Variants in POLN observed in about 807,000 individuals in gnomAD.
POLN encodes DNA polymerase nu, also known as DNA polymerase N.
POLN carries 108 observed loss-of-function variants against 113.5 expected under a neutral mutation model. That is an observed-to-expected ratio of 0.95 (90% CI 0.81 to 1.12). The LOEUF (loss-of-function observed/expected upper bound fraction) is 1.12, where lower values mean the gene tolerates loss of function less well. Among genes scored for constraint, POLN ranks in the 50% most tolerant of loss-of-function variants. The pLI, the probability that POLN is intolerant of heterozygous loss-of-function variation, is 0.00. For missense variants in POLN, 1,097 were observed against 1,077.1 expected (o/e 1.02, Z -0.26); for synonymous variants, 386 against 391.5 (o/e 0.99, Z 0.17).
chr4:2,171,606 G>A (rs998095764), intron 11 of POLN, among the ~76,000 whole-genome samples: 2 of 151,488 alleles, frequency 1.3e-5, no homozygotes, highest in Non-Finnish European at 2.9e-5. Context: ...GCTCTTAAAA[G>A]AGTAATAAAT....
At chr4:2,203,422 A>C (rs533309873) in intron 5 of POLN, among the ~76,000 whole-genome samples, 21 of 152,104 alleles carry the variant, frequency 1.4e-4, no homozygotes, top group African/African-American at 5.1e-4. Context: ...TGTACTAAAA[A>C]TACAAAAATT....
chr4:2,189,672 A>G (rs1158232674), intron 7 of POLN, among the ~76,000 whole-genome samples: 1 of 151,542 alleles, frequency 6.6e-6, no homozygotes, highest in East Asian at 2.0e-4. Context: ...TCAATGTTAC[A>G]TGAAGCAATC....
At chr4:2,157,795 T>A (rs1378673475) in intron 15 of POLN, 63 bp downstream of exon 15, 1 of 1,001,250 alleles carries the variant, frequency 1.0e-6, no homozygotes, top group Non-Finnish European at 1.5e-6. Flanking sequence ...AGGTTCTATA[T>A]GTATCTGAAC....
At chr4:2,185,632 G>C (rs1200605239) in intron 7 of POLN, among the ~76,000 whole-genome samples, 1 of 152,148 alleles carries the variant, frequency 6.6e-6, no homozygotes, top group Non-Finnish European at 1.5e-5. Flanking sequence ...TGTAATCCCA[G>C]CTACTCAAGA....
chr4:2,183,161 T>C (rs937199795), intron 7 of POLN, among the ~76,000 whole-genome samples: 2 of 152,184 alleles, frequency 1.3e-5, no homozygotes, highest in Non-Finnish European at 2.9e-5. Context: ...AGAACACGTA[T>C]TGGGCAAGGA....
chr4:2,106,617 C>T (rs1731072509), intron 19 of POLN, among the ~76,000 whole-genome samples: 1 of 152,194 alleles, frequency 6.6e-6, no homozygotes, highest in South Asian at 2.1e-4. Flanking sequence ...GCCCAGGGCT[C>T]TTACAGATGA....
chr4:2,111,032 C>T (rs1731180093), intron 19 of POLN, among the ~76,000 whole-genome samples: 1 of 152,168 alleles, frequency 6.6e-6, no homozygotes, highest in Admixed American at 6.5e-5. Flanking sequence ...CATCAAAAAG[C>T]TTATCCACCA....
intron 19 of POLN, 104 bp downstream of exon 19, chr4:2,128,009 T>C (rs920956225): frequency 4.1e-6 from 3 of 737,392 alleles, no homozygotes; most frequent in Non-Finnish European, 6.7e-6. Context: ...CCACAAAAAA[T>C]ATAATTTCTG....
chr4:2,167,813 C>T (rs1732765771), intron 13 of POLN, among the ~76,000 whole-genome samples: 1 of 152,020 alleles, frequency 6.6e-6, no homozygotes, highest in Admixed American at 6.6e-5. Flanking sequence ...GCAGGAGAAT[C>T]GCTTGAACCT....
rs1731599876 is a variant in POLN, at chr4:2,127,110, G to C, written c.1982+1003C>G. Reference sequence around the variant, plus strand: ...CATCGTGAGGGTGAACAGGTGGCAGGAGATGAGCTGGGACGGAGGGTAGGG... The same window carrying C: ...CATCGTGAGGGTGAACAGGTGGCAGCAGATGAGCTGGGACGGAGGGTAGGG... On this transcript the variant is annotated intron_variant, in intron 19 of 25. Coordinates refer to ENST00000511885, the MANE Select transcript of POLN (RefSeq NM_181808.4). This position sits in a 1 kb window ranked among gnomAD's most constrained non-coding sequence, Gnocchi z 4.7. Among the ~76,000 whole-genome samples the C allele has an allele frequency of 6.6e-6, 1 of 151,058 alleles. No individual in the cohort carries two copies.
At chr4:2,121,912 T>C (rs1489506173) in intron 19 of POLN, among the ~76,000 whole-genome samples, 3 of 151,778 alleles carry the variant, frequency 2.0e-5, no homozygotes, top group African/African-American at 7.2e-5. Flanking sequence ...TCAAGTTTCT[T>C]GAGATAGAAA....
At chr4:2,186,031 A>G (rs1733264943) in intron 7 of POLN, among the ~76,000 whole-genome samples, 1 of 152,200 alleles carries the variant, frequency 6.6e-6, no homozygotes, top group South Asian at 2.1e-4. Context: ...ACCCAAATAT[A>G]AGGATGACAC....
intron 19 of POLN, among the ~76,000 whole-genome samples, chr4:2,121,971 A>G (rs1198949408): frequency 6.6e-6 from 1 of 152,080 alleles, no homozygotes; most frequent in Non-Finnish European, 1.5e-5. Flanking sequence ...ATTTCGTGCT[A>G]TACTTTTCCC....
intron 16 of POLN, among the ~76,000 whole-genome samples, chr4:2,150,862 T>C (rs1421300597): frequency 6.6e-6 from 1 of 152,208 alleles, no homozygotes; most frequent in East Asian, 1.9e-4. Context: ...AGCCCAAAAC[T>C]ATAATACGTC....
intron 7 of POLN, among the ~76,000 whole-genome samples, chr4:2,182,552 C>T (rs1733169497): frequency 6.6e-6 from 1 of 152,076 alleles, no homozygotes; most frequent in Non-Finnish European, 1.5e-5. Context: ...GACTTCCAGC[C>T]CCCAGAACTG....
intron 20 of POLN, among the ~76,000 whole-genome samples, chr4:2,091,591 C>G (rs144685001): frequency 6.6e-6 from 1 of 152,308 alleles, no homozygotes; most frequent in African/African-American, 2.4e-5. Context: ...TCCTTCTTTT[C>G]ATAGAACTTG....
At chr4:2,221,616 C>T (rs896069999) in intron 3 of POLN, among the ~76,000 whole-genome samples, 1 of 151,612 alleles carries the variant, frequency 6.6e-6, no homozygotes, top group Non-Finnish European at 1.5e-5. Context: ...TCATCCTATC[C>T]TTCAGGCTGG....
At chr4:2,196,968 T>C (rs759069023) in intron 6 of POLN, among the ~76,000 whole-genome samples, 27 of 151,098 alleles carry the variant, frequency 1.8e-4, no homozygotes. Flanking sequence ...GGCAAGGAGG[T>C]GGGAATGCAC....
chr4:2,157,114 C>G (rs1324609690), intron 15 of POLN, among the ~76,000 whole-genome samples: 1 of 152,196 alleles, frequency 6.6e-6, no homozygotes, highest in African/African-American at 2.4e-5. Context: ...AAATCCCATG[C>G]ATGGGGAGAG....
Sources: allele counts gnomAD v4.1 joint callset (sites outside exome capture counted in the v4.1 genomes callset), GRCh38; gene constraint gnomAD v4.1.1; non-coding constraint Gnocchi (gnomAD v3.1); transcripts MANE v1.5; gene names NCBI Gene and HGNC (gene_info 2026-07-23, HGNC 2026-07-21).